Variants in MYO10 observed in about 807,000 individuals in gnomAD.
MYO10 encodes unconventional myosin-X.
Under a neutral mutation model 257.3 loss-of-function variants are expected in MYO10, and 133 were observed. The observed-to-expected ratio is 0.52, with a 90% CI of 0.45 to 0.60. The LOEUF is 0.60. Among genes scored for constraint, MYO10 ranks in the 20% least tolerant of loss-of-function variants. MYO10 has a pLI of 0.00. For synonymous variants in MYO10, 1,104 were observed against 1,028.6 expected, an observed-to-expected ratio of 1.07 and a Z score of -1.40; for missense variants, 2,399 against 2,635.7, an observed-to-expected ratio of 0.91 and a Z score of 1.97.
Position 16,664,869 on chromosome 5 carries a change from C to G in MYO10, c.*1823G>C, listed in dbSNP as rs1736091644. On this transcript the variant is annotated 3_prime_UTR_variant, in exon 41 of 41. Transcript: ENST00000513610. ...GACAGCTGCAGATCTGTGTTTAGACCTGATGAGCAAGTCCATGAAACAAAC... is the reference window on the plus strand; with the variant it reads ...GACAGCTGCAGATCTGTGTTTAGACGTGATGAGCAAGTCCATGAAACAAAC... The G allele has an allele frequency of 6.6e-6, 1 of 152,182 alleles. No homozygotes were observed. The highest frequency in any genetic ancestry group is 2.1e-4 in the South Asian group (1 of 4,828). 9.4% of individuals were successfully genotyped at this position (152,182 alleles called of 1,614,324 possible). A position where few individuals can be genotyped will look rare whatever the true frequency, so the allele number is the denominator to read the frequency against.
intron 19 of MYO10, among the ~76,000 whole-genome samples, chr5:16,715,393 T>TA (rs1491451427): frequency 3.5e-3 from 32 of 9,142 alleles, no homozygotes; most frequent in African/African-American, 8.9e-3. Flanking sequence ...AAGATTGAAA[T>TA]TTTTTTTTTT....
At chr5:16,788,411 G>T (rs186986432) in intron 4 of MYO10, among the ~76,000 whole-genome samples, 1 of 152,166 alleles carries the variant, frequency 6.6e-6, no homozygotes, top group Non-Finnish European at 1.5e-5. Flanking sequence ...ATACTTTACC[G>T]TGTGTAAGTT....
At chr5:16,924,659 G>A (rs1044218609) in intron 1 of MYO10, among the ~76,000 whole-genome samples, 1 of 152,072 alleles carries the variant, frequency 6.6e-6, no homozygotes, top group African/African-American at 2.4e-5. Context: ...CAGGAAGAAT[G>A]GGCAGACTAC....
intron 16 of MYO10, 52 bp downstream of exon 16, chr5:16,761,993 T>G (rs903803248): frequency 3.1e-5 from 46 of 1,469,384 alleles, no homozygotes; most frequent in Non-Finnish European, 1.3e-5. Flanking sequence ...ACCACTGTTT[T>G]CTCTGAATAC....
At chr5:16,712,553 A>T (rs1738670066) in intron 19 of MYO10, among the ~76,000 whole-genome samples, 1 of 152,268 alleles carries the variant, frequency 6.6e-6, no homozygotes, top group Non-Finnish European at 1.5e-5. Context: ...CAAGAATGCA[A>T]AGTGGCTTAA....
At chr5:16,702,651 G>C (rs779995393) in intron 23 of MYO10, 63 bp from the exon 24 acceptor site, 2 of 1,468,126 alleles carry the variant, frequency 1.4e-6, no homozygotes, top group Admixed American at 4.2e-5. Context: ...TTTTCAGAGA[G>C]ATCTACGTTT....
At position 16,799,813 on chromosome 5, in the gene MYO10, C is replaced by T. The variant is rs113534913; in HGVS notation, c.280-4980G>A. Among the ~76,000 whole-genome samples the T allele has an allele frequency of 6.6e-5, 10 of 152,186 alleles. 2 individuals carry two copies. Among genetic ancestry groups the T allele is most frequent in the African/African-American group, 2.4e-4 (10 of 41,524 alleles). Reference sequence around the variant, plus strand: ...CCGGCTGAGAAAGGACTCTTAACAGCGGACGCTCCCTGGGGAGGCAGCCCA... The same window carrying T: ...CCGGCTGAGAAAGGACTCTTAACAGTGGACGCTCCCTGGGGAGGCAGCCCA... On this transcript the variant is annotated intron_variant, in intron 3 of 40. Coordinates refer to ENST00000513610, the MANE Select transcript of MYO10 (RefSeq NM_012334.3).
chr5:16,870,489 T>G (rs1744422353), intron 2 of MYO10, among the ~76,000 whole-genome samples: 1 of 151,628 alleles, frequency 6.6e-6, no homozygotes, highest in South Asian at 2.1e-4. Flanking sequence ...AGAATCTGCA[T>G]TTTAACAAGA....
intron 27 of MYO10, among the ~76,000 whole-genome samples, chr5:16,690,775 AT>A (rs1251575822): frequency 6.6e-6 from 1 of 151,902 alleles, no homozygotes; most frequent in Non-Finnish European, 1.5e-5. Context: ...GAGGCGCAGG[AT>A]TTGGGGTGTT....
chr5:16,673,992 C>T (rs1226595714), intron 35 of MYO10, 103 bp from the exon 36 acceptor site: 4 of 963,762 alleles, frequency 4.2e-6, no homozygotes, highest in Non-Finnish European at 4.8e-6. Flanking sequence ...AGTGAATGGT[C>T]CCCCACTGGT....
intron 19 of MYO10, among the ~76,000 whole-genome samples, chr5:16,725,847 G>A (rs1252246116): frequency 1.3e-5 from 2 of 150,920 alleles, no homozygotes; most frequent in East Asian, 4.0e-4. Context: ...GAGTGCAGTG[G>A]CGTGATCTTG....
At chr5:16,802,155 A>T (rs1742137149) in intron 3 of MYO10, among the ~76,000 whole-genome samples, 1 of 152,126 alleles carries the variant, frequency 6.6e-6, no homozygotes, top group Non-Finnish European at 1.5e-5. Flanking sequence ...AGAAAGTGGA[A>T]GGGTGGTTGC....
chr5:16,800,329 G>A (rs950590726), intron 3 of MYO10, among the ~76,000 whole-genome samples: 1 of 152,118 alleles, frequency 6.6e-6, no homozygotes, highest in African/African-American at 2.4e-5. Context: ...AGGCCAAGGT[G>A]GGAGAACTGC....
intron 5 of MYO10, among the ~76,000 whole-genome samples, chr5:16,782,035 G>A (rs188089848): frequency 4.3e-4 from 65 of 152,296 alleles, no homozygotes; most frequent in Middle Eastern, 3.4e-3. Flanking sequence ...CTTAGTGAGC[G>A]TAGCTGTGCT....
chr5:16,775,620 C>T (rs1255946551), intron 9 of MYO10, among the ~76,000 whole-genome samples: 1 of 145,046 alleles, frequency 6.9e-6, no homozygotes, highest in African/African-American at 2.5e-5. Flanking sequence ...TTTGTTTTCT[C>T]GAGACAGAGT....
At chr5:16,700,667 C>T (rs1738004075) in intron 25 of MYO10, among the ~76,000 whole-genome samples, 1 of 152,126 alleles carries the variant, frequency 6.6e-6, no homozygotes, top group Non-Finnish European at 1.5e-5. Context: ...ACAGAGAAGA[C>T]TCCACCTCAA....
At chr5:16,832,327 CCAAT>C (rs1263669569) in intron 2 of MYO10, among the ~76,000 whole-genome samples, 40 of 152,090 alleles carry the variant, frequency 2.6e-4, no homozygotes, top group African/African-American at 9.7e-4. Flanking sequence ...GGAAATCAGT[CCAAT>C]CAAAATCACT....
chr5:16,757,449 G>A (rs189057100), intron 18 of MYO10, among the ~76,000 whole-genome samples: 2 of 152,038 alleles, frequency 1.3e-5, no homozygotes, highest in East Asian at 1.9e-4. Flanking sequence ...CAAGGTAACT[G>A]ACATCAGTCT....
In MYO10 at chr5:16,915,970, A is replaced by G. The variant is rs908806885; in HGVS notation, c.21+19818T>C. 1.1e-5 allele frequency: 5 copies of G among 445,222 alleles called. No individual in the cohort carries two copies. In the East Asian group the frequency reaches 2.1e-4, roughly 19 times the overall value. 27.6% of individuals were successfully genotyped at this position (445,222 alleles called of 1,614,324 possible). A position where few individuals can be genotyped will look rare whatever the true frequency, so the allele number is the denominator to read the frequency against. Reference sequence around the variant, plus strand: ...AGACTCTACGTCAAAAAGAAAAAAAAAAAAAAAATCACTCACCATACATTT... The same window carrying G: ...AGACTCTACGTCAAAAAGAAAAAAAGAAAAAAAATCACTCACCATACATTT... On this transcript the variant is annotated intron_variant, in intron 1 of 40. Transcript: ENST00000513610.
Sources: gnomAD v4.1 joint callset for allele counts (sites outside exome capture counted in the v4.1 genomes callset) on GRCh38, gnomAD v4.1.1 for gene constraint, MANE v1.5 for transcripts, NCBI Gene and HGNC (gene_info 2026-07-23, HGNC 2026-07-21) for gene names.